Variants in SLC30A6 observed in about 807,000 individuals in gnomAD.
The protein encoded by SLC30A6 is solute carrier family 30 member 6.
In SLC30A6, 55 loss-of-function variants were observed where a neutral mutation model predicts 63.0. The observed-to-expected ratio is 0.87, with a 90% confidence interval of 0.70 to 1.09. SLC30A6 has a LOEUF of 1.09. Among genes scored for constraint, SLC30A6 ranks in the 50% least tolerant of loss-of-function variants. The pLI is 0.00. For missense variants in SLC30A6, 587 were observed against 549.2 expected (o/e 1.07, Z -0.69); for synonymous variants, 224 against 186.1 (o/e 1.20, Z -1.66).
chr2:32,197,569 G>A (rs1039881833), intron 9 of SLC30A6, 138 bp from the exon 10 acceptor site: 1 of 1,346,886 alleles, frequency 7.4e-7, no homozygotes, highest in African/African-American at 1.5e-5. Flanking sequence ...AAATGAAAGG[G>A]CTTTGTTCAC....
chr2:32,201,968 C>T (rs1243621950), intron 10 of SLC30A6: 1 of 1,398,326 alleles, frequency 7.2e-7, no homozygotes, highest in Non-Finnish European at 9.9e-7. Context: ...GATGAATTCT[C>T]TAAATCTCAT....
chr2:32,217,121 C>T (rs1255450742), intron 13 of SLC30A6, among the ~76,000 whole-genome samples: 1 of 151,706 alleles, frequency 6.6e-6, no homozygotes, highest in African/African-American at 2.4e-5. Context: ...TGGTCTTGAA[C>T]TCCTGACCTC....
intron 8 of SLC30A6, among the ~76,000 whole-genome samples, chr2:32,196,468 G>A (rs2148863457): frequency 6.6e-6 from 1 of 152,080 alleles, no homozygotes; most frequent in East Asian, 1.9e-4. Context: ...GTTCTCACCT[G>A]GCTTTTTTGA....
At position 32,198,786 on chromosome 2, in the gene SLC30A6, G is replaced by A. The variant is rs567545769; in HGVS notation, c.665+960G>A. 2.6e-5 allele frequency among the ~76,000 whole-genome samples: 4 copies of A among 152,292 alleles called. No homozygotes were observed. In the East Asian group the frequency reaches 7.7e-4, roughly 29 times the overall value. On this transcript the variant is annotated intron_variant, in intron 10 of 13. Transcript: ENST00000282587. ...TTTAATAGAGATGAGGTTTTGCCAT[G>A]TTGGCCAGGCTGGTCTTGAACTCCT...
intron 10 of SLC30A6, among the ~76,000 whole-genome samples, chr2:32,201,106 G>A (rs1286665546): frequency 1.3e-5 from 2 of 152,116 alleles, no homozygotes; most frequent in Non-Finnish European, 2.9e-5. Flanking sequence ...TCTTTTGTGC[G>A]GCCATGGTAC....
intron 2 of SLC30A6, 144 bp downstream of exon 2, chr2:32,171,517 A>T (rs1681210543): frequency 1.7e-6 from 1 of 585,682 alleles, no homozygotes; most frequent in Admixed American, 3.2e-5. Flanking sequence ...GTATTTTTTT[A>T]GTGTAAAATT....
chr2:32,187,864 A>G lies in SLC30A6; in HGVS notation c.284+3526A>G, dbSNP rs529289509. Among the ~76,000 whole-genome samples, 197 of 152,264 alleles carry G rather than the reference A, an allele frequency of 1.3e-3. 1 individual carries two copies. The highest frequency in any genetic ancestry group is 4.6e-3 in the African/African-American group (190 of 41,550). ...ATTAATTATGTCAAGGTAACCTACA[A>G]ACACATCCAGAATTACCCCCCAATC... On this transcript the variant is annotated intron_variant, in intron 5 of 13. Transcript: ENST00000282587.
At chr2:32,189,395 G>A (rs187560548) in intron 5 of SLC30A6, among the ~76,000 whole-genome samples, 9 of 150,540 alleles carry the variant, frequency 6.0e-5, no homozygotes, top group Admixed American at 4.7e-4. Flanking sequence ...GGATTTAAGC[G>A]ATTCTTGTGC....
rs972017788 is a variant in SLC30A6, at chr2:32,174,087, G to A, written c.115G>A (p.Val39Ile). 1.2e-6 allele frequency: 2 copies of A among 1,613,626 alleles called. No homozygotes were observed. The highest frequency in any genetic ancestry group is 3.3e-5 in the Admixed American group (2 of 60,004). ...GTCCTGGAAGATACTGCTCTTTGGT[G>A]TAATAAACTTGATATGTACTGGCTT... ...RRSWKILLFG[V>I]INLICTGFLL... Residue 39 changes from valine (V) to isoleucine (I), a missense_variant, in exon 3 of 14, where the codon GTA (valine) becomes ATA (isoleucine). Coordinates refer to ENST00000282587, the MANE Select transcript of SLC30A6 (RefSeq NM_017964.5).
intron 4 of SLC30A6, among the ~76,000 whole-genome samples, chr2:32,181,045 T>G (rs1403472662): frequency 6.6e-6 from 1 of 152,232 alleles, no homozygotes; most frequent in Admixed American, 6.5e-5. Flanking sequence ...TTTTAGAATT[T>G]TAAGTGTTAA....
chr2:32,184,238 G>GT, intron 4 of SLC30A6, 35 bp from the exon 5 acceptor site: 1 of 1,276,684 alleles, frequency 7.8e-7, no homozygotes, highest in African/African-American at 1.5e-5. Context: ...TTCTCTTCTA[G>GT]TTCTAATACT....
chr2:32,175,190 A>G (rs1425442687), intron 3 of SLC30A6, 129 bp from the exon 4 acceptor site: 7 of 724,810 alleles, frequency 9.7e-6, no homozygotes, highest in East Asian at 2.7e-5. Context: ...CTGCCAATAT[A>G]TGAGGTTGGC....
At chr2:32,204,557 A>C (rs1684575659) in intron 10 of SLC30A6, 33 bp from the exon 11 acceptor site, 1 of 1,468,698 alleles carries the variant, frequency 6.8e-7, no homozygotes, top group South Asian at 1.1e-5. Context: ...GTGAGATATA[A>C]ATTTAAAATT....
intron 8 of SLC30A6, among the ~76,000 whole-genome samples, chr2:32,194,929 C>T (rs1683645955): frequency 6.6e-6 from 1 of 151,900 alleles, no homozygotes; most frequent in African/African-American, 2.4e-5. Context: ...ACACTGTTTC[C>T]CTGTAAAGAT....
chr2:32,211,150 C>T (rs904289811), intron 13 of SLC30A6, among the ~76,000 whole-genome samples: 1 of 152,164 alleles, frequency 6.6e-6, no homozygotes, highest in Non-Finnish European at 1.5e-5. Context: ...TTCTCAGGGT[C>T]GCTTGCTCCT....
chr2:32,167,510 C>A (rs1441599109), intron 1 of SLC30A6, among the ~76,000 whole-genome samples: 1 of 151,950 alleles, frequency 6.6e-6, no homozygotes, highest in Non-Finnish European at 1.5e-5. Context: ...CTTCCATCCC[C>A]AGAATTGTTC....
chr2:32,167,225 G>A (rs1012143731), intron 1 of SLC30A6, among the ~76,000 whole-genome samples: 2 of 151,980 alleles, frequency 1.3e-5, no homozygotes, highest in African/African-American at 2.4e-5. Context: ...ACAGGAATGC[G>A]CCACCACGCC....
intron 10 of SLC30A6, chr2:32,203,232 G>A (rs1460230044): frequency 1.2e-5 from 12 of 1,026,548 alleles, no homozygotes; most frequent in East Asian, 7.1e-5. Context: ...CGTTCTGGAC[G>A]CACAGGTAGA....
chr2:32,178,566 A>G (rs1682000293), intron 4 of SLC30A6, among the ~76,000 whole-genome samples: 1 of 152,266 alleles, frequency 6.6e-6, no homozygotes, highest in South Asian at 2.1e-4. Flanking sequence ...CCAGCTACTC[A>G]GGAGGCTGAG....
Sources: allele counts gnomAD v4.1 joint callset (sites outside exome capture counted in the v4.1 genomes callset), GRCh38; gene constraint gnomAD v4.1.1; transcripts MANE v1.5; gene names NCBI Gene and HGNC (gene_info 2026-07-23, HGNC 2026-07-21).